NOP58: variants seen among roughly 807,000 people sequenced by gnomAD.
The protein encoded by NOP58 is nucleolar protein 58.
In NOP58, 44 loss-of-function variants were observed where a neutral mutation model predicts 71.2. The observed-to-expected ratio is 0.62, with a 90% CI of 0.49 to 0.79. The LOEUF (loss-of-function observed/expected upper bound fraction) is 0.79. Among genes scored for constraint, NOP58 ranks in the 30% least tolerant of loss-of-function variants. The pLI is 0.00. For missense variants in NOP58, 538 were observed against 620.2 expected, an observed-to-expected ratio of 0.87 and a Z score of 1.41; for synonymous variants, 228 against 200.3, an observed-to-expected ratio of 1.14 and a Z score of -1.17.
rs1688410726 is a variant in NOP58, at chr2:202,266,127, A to G, written c.45+141A>G. ...CTCTGGGAGGAGGGAGAAGGCCTTT[A>G]CACCTGAGAGCCATGTTACGTGTAA... On this transcript the variant is annotated intron_variant, in intron 1 of 14. Coordinates refer to ENST00000264279, the MANE Select transcript of NOP58 (RefSeq NM_015934.5). 3.3e-6 allele frequency: 3 copies of G among 917,852 alleles called. No individual in the cohort carries two copies. In the Admixed American group the frequency reaches 6.3e-5, roughly 19 times the overall value. The allele number at this position is 917,852 out of a possible 1,614,324, so 56.9% of individuals were successfully genotyped here.
intron 10 of NOP58, 135 bp from the exon 11 acceptor site, chr2:202,297,244 C>A: frequency 4.0e-6 from 3 of 754,320 alleles, no homozygotes; most frequent in Non-Finnish European, 4.0e-6. Flanking sequence ...TAGATTGTGG[C>A]AAAGGTTGAA....
intron 3 of NOP58, among the ~76,000 whole-genome samples, chr2:202,279,176 TC>T (rs1394410018): frequency 2.6e-5 from 4 of 152,180 alleles, no homozygotes; most frequent in Non-Finnish European, 5.9e-5. Flanking sequence ...TATGAACAGT[TC>T]CTAGTCCTGA....
At chr2:202,276,693 C>G (rs1289285487) in intron 2 of NOP58, among the ~76,000 whole-genome samples, 1 of 151,904 alleles carries the variant, frequency 6.6e-6, no homozygotes, top group Non-Finnish European at 1.5e-5. Flanking sequence ...CAAAAATTAG[C>G]TGGGTGTGGT....
At chr2:202,287,851 C>G (rs1688819417) in intron 6 of NOP58, 127 bp downstream of exon 6, 3 of 700,692 alleles carry the variant, frequency 4.3e-6, no homozygotes, top group Non-Finnish European at 7.3e-6. Context: ...GTGGCTCAAG[C>G]CTTTAATCCC....
In NOP58 at chr2:202,300,294, C is replaced by T; in HGVS notation, c.1329C>T (p.Arg443=). The change falls in exon 13 of 15, where the codon CGC becomes CGT. Residue 443 remains arginine (R), a synonymous_variant. Coordinates refer to ENST00000264279, the MANE Select transcript of NOP58 (RefSeq NM_015934.5). The part of the protein sequence containing the change: ...DSTLPTCSKK[R]KIEQVDKEDE... ...CACTTCCAACCTGTTCTAAAAAACG[C>T]AAAATAGAACAGGTAGATAAAGAGG... 1 of 1,598,578 alleles carries T rather than the reference C, an allele frequency of 6.3e-7. No homozygotes were observed. Among genetic ancestry groups the T allele is most frequent in the Non-Finnish European group, 8.5e-7 (1 of 1,175,454 alleles).
chr2:202,290,484 C>T lies in NOP58; in HGVS notation c.634+27C>T, dbSNP rs577616494. On this transcript the variant is annotated intron_variant, in intron 7 of 14. Transcript: ENST00000264279. ...TGAGTAATTTGTTCATCCTTTAAGG[C>T]ATTGAAAGTAAATGAATTTGATTGC... 39 of 1,574,878 alleles carry T rather than the reference C, an allele frequency of 2.5e-5. No individual in the cohort carries two copies. The Middle Eastern group carries it at 5.1e-4, about 21-fold the overall frequency.
intron 3 of NOP58, 21 bp from the exon 4 acceptor site, chr2:202,282,326 TTTTG>T: frequency 2.5e-6 from 4 of 1,585,436 alleles, no homozygotes; most frequent in Non-Finnish European, 3.4e-6. Flanking sequence ...GAGTTAATGC[TTTTG>T]TTTTTCTTTT....
intron 13 of NOP58, among the ~76,000 whole-genome samples, 169 bp downstream of exon 13, chr2:202,300,536 AT>A (rs1328602692): frequency 1.3e-5 from 2 of 152,250 alleles, no homozygotes; most frequent in Non-Finnish European, 2.9e-5. Flanking sequence ...ATATTGTTAA[AT>A]TTATCAGACT....
intron 10 of NOP58, 148 bp downstream of exon 10, chr2:202,295,985 C>A: frequency 1.8e-6 from 1 of 562,934 alleles, no homozygotes; most frequent in Non-Finnish European, 2.8e-6. Context: ...ATAAAAAGTG[C>A]TTTGTGTACA....
At position 202,284,437 on chromosome 2, in the gene NOP58, A is replaced by AGGTTCATT. The variant is rs1408004144; in HGVS notation, c.391_392insGTTCATTG (p.Glu131GlyfsTer24). 1.2e-6 allele frequency: 2 copies of AGGTTCATT among 1,614,156 alleles called. No individual in the cohort carries two copies. Among genetic ancestry groups the AGGTTCATT allele is most frequent in the Non-Finnish European group, 8.5e-7 (1 of 1,180,012 alleles). ...AAATGGATGGATTAATCCCTGGGGT[A>AGGTTCATT]GAACCACGTGAAATGGCAGCTATGT... On this transcript the variant is annotated frameshift_variant, in exon 5 of 15. Coordinates refer to ENST00000264279, the MANE Select transcript of NOP58 (RefSeq NM_015934.5). LOFTEE classifies it high-confidence loss of function.
rs372301553 is a variant in NOP58 at position 202,293,057 on chromosome 2, A to C, written c.907+154A>C. On this transcript the variant is annotated intron_variant, in intron 9 of 14. Transcript: ENST00000264279. ...GGAGATCACTAAGGGCCAAGTGTTC[A>C]ATGATGATTTCTATTTGTTTGCCTG... is the stretch of plus-strand genomic sequence containing the variant. 7.1e-5 allele frequency: 59 copies of C among 833,618 alleles called. No homozygotes were observed. The African/African-American group carries it at 8.4e-4, about 12-fold the overall frequency. The allele number at this position is 833,618 out of a possible 1,614,324, so 51.6% of individuals were successfully genotyped here. A position where few individuals can be genotyped will look rare whatever the true frequency, so the allele number is the denominator to read the frequency against.
rs770973936 is a variant in NOP58 at position 202,302,989 on chromosome 2, G to C, written c.1471G>C (p.Gly491Arg). The C allele has an allele frequency of 1.2e-6, 2 of 1,612,302 alleles. No homozygotes were observed. The highest frequency in any genetic ancestry group is 1.7e-6 in the Non-Finnish European group (2 of 1,179,566). ...ETSVKKKKKRGKKKHIKEEPL... is the reference protein window; with the variant it reads ...ETSVKKKKKRRKKKHIKEEPL... The stretch of plus-strand genomic sequence containing the variant: ...ATCTGTGAAGAAGAAGAAGAAAAGG[G>C]GTAAAAAGAAACACATTAAGGAAGA... Residue 491 changes from glycine to arginine, a missense_variant, in exon 14 of 15, where the codon GGT (glycine) becomes CGT (arginine). Physicochemically the swap from Gly to Arg is moderately radical, Grantham distance 125. Coordinates refer to ENST00000264279, the MANE Select transcript of NOP58 (RefSeq NM_015934.5).
intron 1 of NOP58, among the ~76,000 whole-genome samples, chr2:202,273,437 A>G (rs1304029436): frequency 6.6e-6 from 1 of 152,198 alleles, no homozygotes; most frequent in Non-Finnish European, 1.5e-5. Context: ...CAGCCAGGGT[A>G]ATGATAAATA....
chr2:202,282,577 C>A (rs190005968), intron 4 of NOP58, 105 bp downstream of exon 4: 6 of 1,191,360 alleles, frequency 5.0e-6, no homozygotes, highest in Admixed American at 5.5e-5. Context: ...ATTCTCAATA[C>A]ATTTTTTTCT....
intron 3 of NOP58, among the ~76,000 whole-genome samples, chr2:202,278,790 T>G (rs1444832992): frequency 6.6e-6 from 1 of 152,138 alleles, no homozygotes; most frequent in African/African-American, 2.4e-5. Flanking sequence ...GGCAAGAATA[T>G]GACAGATGCA....
intron 1 of NOP58, among the ~76,000 whole-genome samples, chr2:202,271,036 C>T (rs1236926629): frequency 5.3e-5 from 8 of 150,560 alleles, no homozygotes; most frequent in African/African-American, 1.7e-4. Context: ...GTGAGAAGAC[C>T]GCGCCTCTGC....
intron 3 of NOP58, among the ~76,000 whole-genome samples, chr2:202,279,625 T>A (rs2105842597): frequency 6.6e-6 from 1 of 152,274 alleles, no homozygotes; most frequent in Admixed American, 6.5e-5. Context: ...TGAAACCTCG[T>A]CTCTACTGAA....
intron 12 of NOP58, chr2:202,299,986 A>G (rs1278426499): frequency 5.4e-6 from 2 of 367,116 alleles, no homozygotes; most frequent in African/African-American, 4.4e-5. Flanking sequence ...TAGTAACTAC[A>G]TTGATTACTA....
At chr2:202,300,583 G>A (rs1198955406) in intron 13 of NOP58, among the ~76,000 whole-genome samples, 1 of 152,068 alleles carries the variant, frequency 6.6e-6, no homozygotes, top group Admixed American at 6.6e-5. Flanking sequence ...GTCAAATTAG[G>A]TATTTTACTA....
Sources: allele counts gnomAD v4.1 joint callset (sites outside exome capture counted in the v4.1 genomes callset), GRCh38; gene constraint gnomAD v4.1.1; transcripts MANE v1.5; gene names NCBI Gene and HGNC (gene_info 2026-07-23, HGNC 2026-07-21).